The following CDH6 variants were observed in gnomAD, a reference collection of about 807,000 sequenced individuals.
The protein encoded by CDH6 is cadherin-6.
A neutral mutation model predicts 78.0 loss-of-function variants in CDH6; 31 were observed. That is an observed-to-expected ratio of 0.40 (90% CI 0.30 to 0.54). The LOEUF is 0.54. Ranked by LOEUF, CDH6 falls within the 20% of genes least tolerant of loss-of-function variation. CDH6 has a pLI of 0.56. For missense variants in CDH6, 724 were observed against 975.9 expected, an observed-to-expected ratio of 0.74 and a Z score of 3.44; for synonymous variants, 376 against 368.8, an observed-to-expected ratio of 1.02 and a Z score of -0.23.
At chr5:31,227,396 A>C (rs1275601116) in intron 1 of CDH6, among the ~76,000 whole-genome samples, 1 of 152,214 alleles carries the variant, frequency 6.6e-6, no homozygotes, top group Non-Finnish European at 1.5e-5. Flanking sequence ...CATATACTGT[A>C]TACAAGTATA....
In CDH6 at chr5:31,316,242, T is replaced by A; in HGVS notation, c.1425T>A (p.Tyr475Ter). Residue 475 changes from tyrosine (Y) to a stop codon, truncating the protein, a stop_gained, in exon 9 of 12, where the codon TAT becomes TAA. Transcript: ENST00000265071. LOFTEE classifies it high-confidence loss of function. ...NPKQSSRVPL[Y>*]IKVLDVNDNA... ...AGCAAAGTAGTCGAGTACCTCTATA[T>A]ATTAAAGTTCTAGATGTCAATGACA... 6.2e-7 allele frequency: 1 copy of A among 1,613,208 alleles called. No homozygotes were observed. The highest frequency in any genetic ancestry group is 1.7e-4 in the Middle Eastern group (1 of 6,058).
At chr5:31,287,702 C>T (rs1458337808) in intron 2 of CDH6, among the ~76,000 whole-genome samples, 1 of 152,156 alleles carries the variant, frequency 6.6e-6, no homozygotes, top group East Asian at 1.9e-4. Flanking sequence ...CAAACTTGAG[C>T]ACTCATCAGA....
chr5:31,280,665 T>C (rs1742836841), intron 2 of CDH6, among the ~76,000 whole-genome samples: 1 of 152,124 alleles, frequency 6.6e-6, no homozygotes, highest in Admixed American at 6.6e-5. Context: ...GCCACTGACA[T>C]TGCAGTGAGG....
intron 1 of CDH6, among the ~76,000 whole-genome samples, chr5:31,244,280 G>A (rs1263882680): frequency 6.6e-6 from 1 of 152,120 alleles, no homozygotes; most frequent in Non-Finnish European, 1.5e-5. Context: ...TGGAATGAAG[G>A]ACAACTTCAT....
Position 31,316,410 on chromosome 5 carries a change from T to C in CDH6, c.1512+81T>C, listed in dbSNP as rs1323182559. On this transcript the variant is annotated intron_variant, in intron 9 of 11. Coordinates refer to ENST00000265071, the MANE Select transcript of CDH6 (RefSeq NM_004932.4). The stretch of plus-strand genomic sequence containing the variant: ...TTATCATTCAGATGATTCACAGAGC[T>C]GAAGGAGAGTTGTGAATTATCTATG... 6 of 1,248,324 alleles carry C rather than the reference T, an allele frequency of 4.8e-6. No homozygotes were observed. The Admixed American group carries it at 8.5e-5, about 18-fold the overall frequency. 77.3% of individuals were successfully genotyped at this position (1,248,324 alleles called of 1,614,324 possible). A position where few individuals can be genotyped will look rare whatever the true frequency, so the allele number is the denominator to read the frequency against.
chr5:31,243,652 C>T (rs1054160449), intron 1 of CDH6, among the ~76,000 whole-genome samples: 2 of 152,172 alleles, frequency 1.3e-5, no homozygotes, highest in African/African-American at 4.8e-5. Context: ...AGAACAACTT[C>T]TCTCCTGGGA....
intron 4 of CDH6, among the ~76,000 whole-genome samples, chr5:31,299,172 A>G (rs1737687596): frequency 6.6e-6 from 1 of 152,150 alleles, no homozygotes; most frequent in African/African-American, 2.4e-5. Context: ...CCATAATGTA[A>G]TTATAATATT....
At chr5:31,319,299 C>T (rs1738413779) in intron 11 of CDH6, among the ~76,000 whole-genome samples, 1 of 152,178 alleles carries the variant, frequency 6.6e-6, no homozygotes, top group Non-Finnish European at 1.5e-5. Flanking sequence ...CTCCTCATGA[C>T]TTGTAATTGG....
At chr5:31,233,051 C>T (rs564858916) in intron 1 of CDH6, among the ~76,000 whole-genome samples, 1 of 152,200 alleles carries the variant, frequency 6.6e-6, no homozygotes, top group East Asian at 1.9e-4. Context: ...TGTTTCTTAC[C>T]ATGCAATGAA....
chr5:31,258,921 T>C (rs578004176), intron 1 of CDH6, among the ~76,000 whole-genome samples: 1 of 152,344 alleles, frequency 6.6e-6, no homozygotes, highest in South Asian at 2.1e-4. Flanking sequence ...GAGGGCACCC[T>C]AGTCTGATGC....
chr5:31,277,639 C>CT (rs1035185062), intron 2 of CDH6, among the ~76,000 whole-genome samples: 2 of 152,172 alleles, frequency 1.3e-5, no homozygotes, highest in African/African-American at 4.8e-5. Flanking sequence ...CAGGCCTACT[C>CT]TTTCAATTAG....
chr5:31,242,257 A>G (rs1304671885), intron 1 of CDH6, among the ~76,000 whole-genome samples: 1 of 152,232 alleles, frequency 6.6e-6, no homozygotes, highest in Non-Finnish European at 1.5e-5. Context: ...GAGAACTACC[A>G]TTCTAACTAT....
intron 2 of CDH6, among the ~76,000 whole-genome samples, chr5:31,285,121 T>C (rs1417861982): frequency 6.6e-6 from 1 of 152,240 alleles, no homozygotes; most frequent in Non-Finnish European, 1.5e-5. Flanking sequence ...GCTGCATCTT[T>C]CCTTGCACAT....
intron 2 of CDH6, among the ~76,000 whole-genome samples, chr5:31,279,474 G>A (rs1184518802): frequency 6.6e-6 from 1 of 152,094 alleles, no homozygotes; most frequent in East Asian, 1.9e-4. Context: ...AGCTACCTGA[G>A]GTCGGAGGAT....
chr5:31,321,126 A>G (rs1183891023), intron 11 of CDH6, among the ~76,000 whole-genome samples: 2 of 151,992 alleles, frequency 1.3e-5, no homozygotes, highest in African/African-American at 4.8e-5. Flanking sequence ...TACTACACAC[A>G]TTGTTTATTT....
At chr5:31,318,345 G>A (rs748904517) in intron 11 of CDH6, 20 of 329,550 alleles carry the variant, frequency 6.1e-5, no homozygotes, top group Non-Finnish European at 1.0e-4. Flanking sequence ...AAAGTGGGAA[G>A]AGGAGTATGA....
chr5:31,281,701 ATAGTTTG>A (rs1411085945), intron 2 of CDH6, among the ~76,000 whole-genome samples: 2 of 152,338 alleles, frequency 1.3e-5, no homozygotes, highest in East Asian at 3.9e-4. Flanking sequence ...AACATTTATT[ATAGTTTG>A]TATCATTTGT....
At chr5:31,320,374 C>T (rs1738448938) in intron 11 of CDH6, among the ~76,000 whole-genome samples, 1 of 152,114 alleles carries the variant, frequency 6.6e-6, no homozygotes, top group African/African-American at 2.4e-5. Flanking sequence ...GTGCATAAGA[C>T]TAAAATAAAA....
chr5:31,246,968 C>T (rs978725464), intron 1 of CDH6, among the ~76,000 whole-genome samples: 1 of 152,164 alleles, frequency 6.6e-6, no homozygotes, highest in African/African-American at 2.4e-5. Flanking sequence ...CCAGGCTGGT[C>T]TTGAACTCCT....
Sources: gnomAD v4.1 joint callset for allele counts (sites outside exome capture counted in the v4.1 genomes callset) on GRCh38, gnomAD v4.1.1 for gene constraint, MANE v1.5 for transcripts, NCBI Gene and HGNC (gene_info 2026-07-23, HGNC 2026-07-21) for gene names.